Variants in RPH3A observed in about 807,000 individuals in gnomAD.
RPH3A encodes the protein rabphilin-3A.
In RPH3A, 48 loss-of-function variants were observed where a neutral mutation model predicts 102.2. The observed-to-expected ratio is 0.47, with a 90% CI of 0.37 to 0.60. RPH3A has a LOEUF of 0.60. Among genes scored for constraint, RPH3A ranks in the 20% least tolerant of loss-of-function variants. RPH3A has a pLI of 0.00. For missense variants in RPH3A, 781 were observed against 910.1 expected (o/e 0.86, Z 1.83); for synonymous variants, 310 against 324.3 (o/e 0.96, Z 0.47).
At chr12:112,797,293 A>G (rs1474135891) in intron 2 of RPH3A, among the ~76,000 whole-genome samples, 3 of 152,192 alleles carry the variant, frequency 2.0e-5, no homozygotes, top group Non-Finnish European at 4.4e-5. Flanking sequence ...CACTTTAATG[A>G]GAAGCTATAA....
intron 1 of RPH3A, among the ~76,000 whole-genome samples, chr12:112,679,279 G>A (rs919378621): frequency 4.6e-5 from 7 of 151,818 alleles, no homozygotes; most frequent in Admixed American, 6.6e-5. Context: ...TCAGCCTCCC[G>A]AGTAGCTGAG....
intron 1 of RPH3A, among the ~76,000 whole-genome samples, chr12:112,688,499 C>T (rs1484340167): frequency 6.6e-6 from 1 of 152,070 alleles, no homozygotes; most frequent in East Asian, 1.9e-4. Flanking sequence ...CCATCATGTT[C>T]TTGTTCTTTA....
At chr12:112,725,766 T>TTTGTTG (rs374402903) in intron 1 of RPH3A, among the ~76,000 whole-genome samples, 7,844 of 148,530 alleles carry the variant, frequency 0.053, 229 homozygotes, top group East Asian at 0.15. Context: ...GAGTGTAGTT[T>TTTGTTG]TTGTTGTTGT....
chr12:112,889,009 G>A (rs1289470481), intron 17 of RPH3A, among the ~76,000 whole-genome samples: 1 of 152,226 alleles, frequency 6.6e-6, no homozygotes, highest in Non-Finnish European at 1.5e-5. Context: ...TGGGCAGCCT[G>A]CCTGCTCTCC....
At chr12:112,767,544 G>T (rs1262467212) in intron 1 of RPH3A, among the ~76,000 whole-genome samples, 1 of 152,210 alleles carries the variant, frequency 6.6e-6, no homozygotes, top group Non-Finnish European at 1.5e-5. Context: ...CTGGCTAGGA[G>T]CTTTAGTGAT....
chr12:112,775,492 G>A lies in RPH3A; in HGVS notation c.-139-16651G>A, dbSNP rs143873070. Among the ~76,000 whole-genome samples the A allele has an allele frequency of 5.3e-3, 808 of 152,280 alleles. 5 individuals carry two copies. Among genetic ancestry groups the A allele is most frequent in the Middle Eastern group, 0.041 (12 of 294 alleles). On this transcript the variant is annotated intron_variant, in intron 1 of 21. Transcript: ENST00000543106. The stretch of plus-strand genomic sequence containing the variant: ...AGAGATTAGAATTCAACTACTCTAA[G>A]ACCTTTATATTGTCTTGGATGAGGG...
intron 1 of RPH3A, among the ~76,000 whole-genome samples, chr12:112,661,149 C>G (rs1211805632): frequency 6.6e-6 from 1 of 152,166 alleles, no homozygotes; most frequent in East Asian, 1.9e-4. Context: ...CTCTCGGGTC[C>G]CTGAGCCTCA....
intron 1 of RPH3A, among the ~76,000 whole-genome samples, chr12:112,602,536 G>C (rs2039566730): frequency 6.6e-6 from 1 of 152,336 alleles, no homozygotes; most frequent in Non-Finnish European, 1.5e-5. Flanking sequence ...GCCAAACTTA[G>C]TAGGGGCAGG....
At chr12:112,801,721 A>G (rs534840180) in intron 2 of RPH3A, among the ~76,000 whole-genome samples, 15 of 152,252 alleles carry the variant, frequency 9.9e-5, no homozygotes, top group African/African-American at 3.1e-4. Flanking sequence ...CCTTCCTGGT[A>G]CACAGCCATC....
At chr12:112,742,151 C>T (rs116533161) in intron 1 of RPH3A, among the ~76,000 whole-genome samples, 10 of 152,004 alleles carry the variant, frequency 6.6e-5, no homozygotes, top group African/African-American at 2.4e-4. Flanking sequence ...AAAGTCCAAG[C>T]GAGATCCCAG....
intron 1 of RPH3A, among the ~76,000 whole-genome samples, chr12:112,701,116 C>T (rs141233324): frequency 6.6e-6 from 1 of 152,318 alleles, no homozygotes; most frequent in East Asian, 1.9e-4. Flanking sequence ...AAGCTATGCA[C>T]TGGGATACAA....
At chr12:112,826,876 T>C (rs1348933150) in intron 2 of RPH3A, among the ~76,000 whole-genome samples, 6 of 152,234 alleles carry the variant, frequency 3.9e-5, no homozygotes, top group Non-Finnish European at 5.9e-5. Flanking sequence ...TAAGCTATTA[T>C]GAATAAAGCT....
At chr12:112,862,020 A>C in intron 5 of RPH3A, among the ~76,000 whole-genome samples, 1 of 151,640 alleles carries the variant, frequency 6.6e-6, no homozygotes, top group African/African-American at 2.4e-5. Context: ...CTCAAAAAAA[A>C]AAAAAAAAAA....
At chr12:112,891,993 G>C (rs1248913416) in intron 19 of RPH3A, among the ~76,000 whole-genome samples, 2 of 152,220 alleles carry the variant, frequency 1.3e-5, no homozygotes, top group Non-Finnish European at 2.9e-5. Flanking sequence ...TGGTAAAATG[G>C]AGACAAGAGT....
chr12:112,889,673 A>G (rs1450141173), intron 17 of RPH3A, among the ~76,000 whole-genome samples: 2 of 152,200 alleles, frequency 1.3e-5, no homozygotes, highest in African/African-American at 2.4e-5. Context: ...AGCCACTTCA[A>G]CCAGAGAAAA....
At chr12:112,673,888 G>A (rs1344483392) in intron 1 of RPH3A, among the ~76,000 whole-genome samples, 1 of 151,752 alleles carries the variant, frequency 6.6e-6, no homozygotes, top group Non-Finnish European at 1.5e-5. Flanking sequence ...CTATCTCCAT[G>A]AGTTTAATTG....
At chr12:112,614,688 CAAAAAAAAA>C (rs35810360) in intron 1 of RPH3A, among the ~76,000 whole-genome samples, 164 of 27,136 alleles carry the variant, frequency 6.0e-3, no homozygotes, top group Non-Finnish European at 9.8e-3. Context: ...GACCCTGCCT[CAAAAAAAAA>C]AAAAAAAAAA....
rs74728411 is a variant in RPH3A, at chr12:112,620,012, G to C, written c.-140+44693G>C. Among the ~76,000 whole-genome samples, 1,112 of 152,286 alleles carry C rather than the reference G, an allele frequency of 7.3e-3. 18 individuals are homozygous for C. Among genetic ancestry groups the C allele is most frequent in the African/African-American group, 0.026 (1,080 of 41,558 alleles). On this transcript the variant is annotated intron_variant, in intron 1 of 21. Coordinates refer to the RPH3A transcript ENST00000543106. ...AAGCTTCAGGTGTGGCTTGATCCAA[G>C]TAGCAAGTGAAGTCACCAAAATCCT...
At chr12:112,853,817 G>T (rs571399211) in intron 5 of RPH3A, among the ~76,000 whole-genome samples, 8 of 151,100 alleles carry the variant, frequency 5.3e-5, no homozygotes, top group African/African-American at 1.9e-4. Flanking sequence ...GACAGAGCAA[G>T]ACTGTCTAGA....
Sources: allele counts gnomAD v4.1 joint callset (sites outside exome capture counted in the v4.1 genomes callset), GRCh38; gene constraint gnomAD v4.1.1; transcripts MANE v1.5; gene names NCBI Gene and HGNC (gene_info 2026-07-23, HGNC 2026-07-21).